The following ZNF3 variants were observed in gnomAD, a reference collection of about 807,000 sequenced individuals.
ZNF3 encodes the protein zinc finger protein 3.
In ZNF3, 16 loss-of-function variants were observed where a neutral mutation model predicts 36.9. That is an observed-to-expected ratio of 0.43 (90% CI 0.29 to 0.66). The LOEUF (loss-of-function observed/expected upper bound fraction) is 0.66, where lower values mean the gene tolerates loss of function less well. ZNF3 is among the 30% of genes least tolerant of loss of function. ZNF3 has a pLI of 0.13. For missense variants in ZNF3, 462 were observed against 543.1 expected (o/e 0.85, Z 1.48); for synonymous variants, 201 against 201.9 (o/e 1.00, Z 0.04).
At chr7:100,075,390 G>A in intron 4 of ZNF3, 129 bp from the exon 5 acceptor site, 1 of 1,543,854 alleles carries the variant, frequency 6.5e-7, no homozygotes, top group South Asian at 1.1e-5. Flanking sequence ...GGTGGAGGAA[G>A]AGAGACAGGA....
intron 2 of ZNF3, chr7:100,079,147 C>G (rs1468230507): frequency 4.6e-5 from 7 of 152,286 alleles, no homozygotes; most frequent in Admixed American, 4.6e-4. Context: ...TCAATGGTGT[C>G]TCAGAGCCAA....
At chr7:100,078,874 C>T (rs1179633894) in intron 2 of ZNF3, 1 of 151,988 alleles carries the variant, frequency 6.6e-6, no homozygotes, top group African/African-American at 2.4e-5. Flanking sequence ...GACTGTTACA[C>T]TCACATAAGG....
At chr7:100,078,677 C>T (rs530983855) in intron 2 of ZNF3, 13 of 152,136 alleles carry the variant, frequency 8.5e-5, no homozygotes, top group Middle Eastern at 3.2e-3. Context: ...AACAGTGAGA[C>T]TCTGTCTCAA....
At chr7:100,077,104 C>T (rs1039305639) in intron 3 of ZNF3, 199 bp downstream of exon 3, 5 of 588,702 alleles carry the variant, frequency 8.5e-6, no homozygotes, top group South Asian at 8.3e-5. Context: ...CAATCTGCCT[C>T]AATTATCAAA....
downstream of ZNF3, among the ~76,000 whole-genome samples, chr7:100,066,676 G>A (rs1382888255): frequency 2.0e-5 from 3 of 151,368 alleles, no homozygotes; most frequent in African/African-American, 7.3e-5. Flanking sequence ...GGTGGAGGTT[G>A]CAGTGAGCCG....
downstream of ZNF3, among the ~76,000 whole-genome samples, chr7:100,066,572 T>C (rs1263202393): frequency 7.6e-6 from 1 of 130,720 alleles, no homozygotes; most frequent in African/African-American, 2.8e-5. Flanking sequence ...TTACTAAAAA[T>C]ACAAAAAAAA....
At chr7:100,066,188 G>A (rs1178277989), downstream of ZNF3, among the ~76,000 whole-genome samples, 1 of 151,902 alleles carries the variant, frequency 6.6e-6, no homozygotes, top group African/African-American at 2.4e-5. Flanking sequence ...GGGATTTTTT[G>A]TTTATACAAA....
intron 3 of ZNF3, among the ~76,000 whole-genome samples, chr7:100,076,812 G>A (rs993012891): frequency 3.3e-5 from 5 of 152,150 alleles, no homozygotes; most frequent in Non-Finnish European, 5.9e-5. Flanking sequence ...GTGGCCAGGC[G>A]CGGTGGGTCA....
rs1278516616 is a variant in ZNF3, at chr7:100,070,385, A to T, written c.*758T>A. On this transcript the variant is annotated 3_prime_UTR_variant, in exon 6 of 6. Coordinates refer to ENST00000299667, the MANE Select transcript of ZNF3 (RefSeq NM_032924.5). The stretch of plus-strand genomic sequence containing the variant: ...TGGAGTGGGAAGAGGACAAGAGAGG[A>T]CAGCAATCAGAGGCCAACGCTAAGT... 1 of 985,434 alleles carries T rather than the reference A, an allele frequency of 1.0e-6. No homozygotes were observed. The highest frequency in any genetic ancestry group is 1.2e-6 in the Non-Finnish European group (1 of 829,976). 61.0% of individuals were successfully genotyped at this position (985,434 alleles called of 1,614,324 possible).
chr7:100,069,551 C>CAAA (rs57428777), downstream of ZNF3, among the ~76,000 whole-genome samples: 1 of 107,930 alleles, frequency 9.3e-6, no homozygotes, highest in African/African-American at 3.7e-5. Context: ...GACTCTGTCT[C>CAAA]AAAAAAAAAA....
chr7:100,068,107 G>T (rs927788334), downstream of ZNF3, among the ~76,000 whole-genome samples: 1 of 151,952 alleles, frequency 6.6e-6, no homozygotes, highest in African/African-American at 2.4e-5. Context: ...CTTCTTCTTC[G>T]AGACAGTCTC....
At chr7:100,068,982 GAT>G (rs986205671), downstream of ZNF3, among the ~76,000 whole-genome samples, 1 of 150,784 alleles carries the variant, frequency 6.6e-6, no homozygotes, top group Non-Finnish European at 1.5e-5. Context: ...ACACCTGGCT[GAT>G]ATATATATAT....
At chr7:100,081,000 A>C (rs1375532769) in intron 1 of ZNF3, among the ~76,000 whole-genome samples, 1 of 152,128 alleles carries the variant, frequency 6.6e-6, no homozygotes, top group African/African-American at 2.4e-5. Context: ...GAGTTTACAA[A>C]AGCCCTTCAG....
chr7:100,066,530 A>T (rs1332739651), downstream of ZNF3, among the ~76,000 whole-genome samples: 1 of 151,072 alleles, frequency 6.6e-6, no homozygotes, highest in African/African-American at 2.4e-5. Context: ...GGAGATTGAG[A>T]CCATCCTGGC....
intron 5 of ZNF3, among the ~76,000 whole-genome samples, chr7:100,073,717 T>C (rs1793593831): frequency 6.6e-6 from 1 of 151,724 alleles, no homozygotes; most frequent in Non-Finnish European, 1.5e-5. Context: ...AAGCAACAGG[T>C]CCCTAGAAGT....
Position 100,077,364 on chromosome 7 carries a change from G to A in ZNF3, c.-7C>T. The A allele has an allele frequency of 1.2e-6, 2 of 1,613,846 alleles. No homozygotes were observed. The highest frequency in any genetic ancestry group is 8.5e-7 in the Non-Finnish European group (1 of 1,179,948). ...GATCAGCCTGAGTTTCCATGGAAGG[G>A]CAAGGTGCTCTCTGGTCTCCTGGGT... On this transcript the variant is annotated 5_prime_UTR_variant, in exon 3 of 6. Coordinates refer to ENST00000299667, the MANE Select transcript of ZNF3 (RefSeq NM_032924.5).
rs1441382612 is a variant in ZNF3, at chr7:100,071,767, C to T, written c.717G>A (p.Gln239=). ...TCTGATGCTGAATAAGGTGTGAGCT[C>T]TGGCTGAAGGCCTTCCCACACTCAT... ...ECNECGKAFS[Q]SSHLIQHQRI... The change falls in exon 6 of 6, where the codon CAG becomes CAA. Residue 239 remains glutamine, a synonymous_variant. Coordinates refer to ENST00000299667, the MANE Select transcript of ZNF3 (RefSeq NM_032924.5). 6.2e-7 allele frequency: 1 copy of T among 1,613,924 alleles called. No individual in the cohort carries two copies. Among genetic ancestry groups the T allele is most frequent in the East Asian group, 2.2e-5 (1 of 44,866 alleles).
At chr7:100,063,944 C>G, downstream of ZNF3, 1 of 1,614,108 alleles carries the variant, frequency 6.2e-7, no homozygotes, top group Non-Finnish European at 8.5e-7. Flanking sequence ...GAAAAAGGAA[C>G]AAAACCCCCT....
chr7:100,081,516 C>T lies in ZNF3; in HGVS notation c.-198+119G>A, dbSNP rs192439740. The T allele has an allele frequency of 6.6e-6, 1 of 152,570 alleles. No homozygotes were observed. Among genetic ancestry groups the T allele is most frequent in the East Asian group, 1.9e-4 (1 of 5,184 alleles). 9.5% of individuals were successfully genotyped at this position (152,570 alleles called of 1,614,324 possible). ...TGCAGGGGACGGAGGGGCGCCTCCC[C>T]GAACCCTGCTCCGGGCCGGCCGGGG... On this transcript the variant is annotated intron_variant, in intron 1 of 5. Coordinates refer to ENST00000299667, the MANE Select transcript of ZNF3 (RefSeq NM_032924.5). The surrounding 1 kb of genome is among the most constrained non-coding windows in gnomAD (Gnocchi z 4.3).
Sources: allele counts gnomAD v4.1 joint callset (sites outside exome capture counted in the v4.1 genomes callset), GRCh38; gene constraint gnomAD v4.1.1; non-coding constraint Gnocchi (gnomAD v3.1); transcripts MANE v1.5; gene names NCBI Gene and HGNC (gene_info 2026-07-23, HGNC 2026-07-21).